The following GPRC5C variants were observed in gnomAD, a reference collection of about 807,000 sequenced individuals.
GPRC5C encodes the protein G protein-coupled receptor class C group 5 member C, also known as G protein-coupled receptor family C group 5 member C.
A neutral mutation model predicts 31.4 loss-of-function variants in GPRC5C; 22 were observed. That is an observed-to-expected ratio of 0.70 (90% CI 0.50 to 1.00). The LOEUF is 1.00. Among genes scored for constraint, GPRC5C ranks in the 50% least tolerant of loss-of-function variants. The probability of loss-of-function intolerance (pLI) is 0.00; values close to 1 mark genes in which losing one functional copy is unlikely to be tolerated. For synonymous variants in GPRC5C, 249 were observed against 257.5 expected, an observed-to-expected ratio of 0.97 and a Z score of 0.32; for missense variants, 557 against 597.2, an observed-to-expected ratio of 0.93 and a Z score of 0.70.
chr17:74,447,659 C>T (rs2055662889), downstream of GPRC5C, among the ~76,000 whole-genome samples: 1 of 152,222 alleles, frequency 6.6e-6, no homozygotes, highest in Admixed American at 6.5e-5. Flanking sequence ...CACCCAGGCT[C>T]AGTGCGTGCC....
At chr17:74,449,506 G>C, downstream of GPRC5C, 1 of 428,074 alleles carries the variant, frequency 2.3e-6, no homozygotes, top group Non-Finnish European at 4.4e-6. Context: ...AGTGGACCGA[G>C]TGGGCCCCCG....
At chr17:74,447,432 C>T, downstream of GPRC5C, 1 of 888,892 alleles carries the variant, frequency 1.1e-6, no homozygotes, top group Non-Finnish European at 1.4e-6. Flanking sequence ...TTTATTAACT[C>T]TTGCTCTGGG....
At chr17:74,433,595 T>G in intron 1 of GPRC5C, 1 of 865,998 alleles carries the variant, frequency 1.2e-6, no homozygotes. Flanking sequence ...GAGAGACCGA[T>G]AGGAGTGGAG....
intron 3 of GPRC5C, chr17:74,446,026 A>C (rs1301083867): frequency 1.6e-5 from 2 of 127,278 alleles, no homozygotes; most frequent in Admixed American, 8.2e-5. Flanking sequence ...AAAAAAAAAG[A>C]CTCCAAATCA....
chr17:74,442,707 T>C (rs961660904), intron 2 of GPRC5C, among the ~76,000 whole-genome samples: 4 of 152,236 alleles, frequency 2.6e-5, no homozygotes, highest in African/African-American at 9.6e-5. Flanking sequence ...GAAATCCTCA[T>C]AATCCCTGCT....
chr17:74,446,532 T>G, intron 3 of GPRC5C: 1 of 267,106 alleles, frequency 3.7e-6, no homozygotes, highest in Non-Finnish European at 7.1e-6. Flanking sequence ...TGTGGCTGAC[T>G]CTCCACTGGC....
chr17:74,444,630 C>T (rs1455913143), intron 3 of GPRC5C, among the ~76,000 whole-genome samples: 1 of 152,132 alleles, frequency 6.6e-6, no homozygotes, highest in Non-Finnish European at 1.5e-5. Flanking sequence ...TCTGTGAGAG[C>T]CGCGGGGCAG....
rs756634395 is a variant in GPRC5C, at chr17:74,440,031, C to A, written c.255C>A (p.Ser85Arg). ...LPFVQDTKKR[S>R]LLGTQVFFLL... Reference sequence around the variant, plus strand: ...TTGTGCAGGACACCAAGAAACGGAGCCTGCTGGGGACCCAGGTATTCTTCC... The same window carrying A: ...TTGTGCAGGACACCAAGAAACGGAGACTGCTGGGGACCCAGGTATTCTTCC... Residue 85 changes from serine to arginine, a missense_variant, in exon 2 of 4, where the codon AGC becomes AGA. Transcript: ENST00000392627. This position sits in a 1 kb window ranked among gnomAD's most constrained non-coding sequence, Gnocchi z 4.4. The A allele has an allele frequency of 6.2e-7, 1 of 1,610,930 alleles. No homozygotes were observed. The highest frequency in any genetic ancestry group is 1.3e-5 in the African/African-American group (1 of 75,058).
Position 74,432,128 on chromosome 17 carries a change from G to T in GPRC5C, c.-46G>T, listed in dbSNP as rs369879154. On this transcript the variant is annotated 5_prime_UTR_variant, in exon 1 of 4. Transcript: ENST00000392627. ...CCTCACCAGCCGGAAAGTACGAGTC[G>T]GCTCAGCCTGGAGGTGAGTCGGGGC... 3 of 1,613,028 alleles carry T rather than the reference G, an allele frequency of 1.9e-6. No homozygotes were observed. Among genetic ancestry groups the T allele is most frequent in the Non-Finnish European group, 2.5e-6 (3 of 1,179,674 alleles).
intron 1 of GPRC5C, among the ~76,000 whole-genome samples, chr17:74,439,481 G>A (rs2055492098): frequency 6.6e-6 from 1 of 152,198 alleles, no homozygotes; most frequent in Non-Finnish European, 1.5e-5. Context: ...TTGGTGGAAG[G>A]GAGGGAACTG....
intron 3 of GPRC5C, chr17:74,446,276 C>G (rs2055633390): frequency 6.6e-6 from 1 of 152,054 alleles, no homozygotes; most frequent in Non-Finnish European, 1.5e-5. Flanking sequence ...CATGATGAAA[C>G]ACCGTCTCTA....
At chr17:74,442,052 G>C (rs2055550625) in intron 2 of GPRC5C, among the ~76,000 whole-genome samples, 1 of 152,102 alleles carries the variant, frequency 6.6e-6, no homozygotes, top group African/African-American at 2.4e-5. Flanking sequence ...ACCCAGGCTG[G>C]AGTACAGTGG....
intron 1 of GPRC5C, among the ~76,000 whole-genome samples, chr17:74,435,168 G>A (rs1029166360): frequency 3.3e-5 from 5 of 152,170 alleles, no homozygotes; most frequent in South Asian, 2.1e-4. Flanking sequence ...GCAGTGAGCC[G>A]AGATCACGCC....
At chr17:74,436,657 G>A (rs2144408991) in intron 1 of GPRC5C, among the ~76,000 whole-genome samples, 1 of 152,308 alleles carries the variant, frequency 6.6e-6, no homozygotes, top group East Asian at 1.9e-4. Context: ...CAGGCGCACA[G>A]TCAATATTTG....
rs1257226971 is a variant in GPRC5C, at chr17:74,440,117, C to T, written c.341C>T (p.Ser114Phe). ...GCCTGTGTGGTGAAGCCCGACTTCT[C>T]CACCTGTGCCTCTCGGCGCTTCCTC... is the stretch of plus-strand genomic sequence containing the variant. The part of the protein sequence containing the change: ...VFACVVKPDF[S>F]TCASRRFLFG... The change falls in exon 2 of 4, where the codon TCC becomes TTC. Residue 114 changes from serine (S) to phenylalanine (F), a missense_variant. Coordinates refer to ENST00000392627, the MANE Select transcript of GPRC5C (RefSeq NM_022036.4). This position sits in a 1 kb window ranked among gnomAD's most constrained non-coding sequence, Gnocchi z 4.4. The T allele has an allele frequency of 4.3e-6, 7 of 1,614,026 alleles. No individual in the cohort carries two copies. Among genetic ancestry groups the T allele is most frequent in the Non-Finnish European group, 5.9e-6 (7 of 1,180,036 alleles).
At chr17:74,433,876 G>A (rs765047324) in intron 1 of GPRC5C, 1 of 832,118 alleles carries the variant, frequency 1.2e-6, no homozygotes, top group Non-Finnish European at 2.1e-6. Flanking sequence ...CTGGAGCGAG[G>A]AAGGGAGTTT....
intron 1 of GPRC5C, among the ~76,000 whole-genome samples, chr17:74,439,057 G>A (rs1395411410): frequency 2.0e-5 from 3 of 152,156 alleles, no homozygotes; most frequent in South Asian, 2.1e-4. Context: ...TTAATGCTCC[G>A]AAGGAAAATT....
intron 1 of GPRC5C, chr17:74,433,824 C>T (rs1393643963): frequency 8.6e-7 from 1 of 1,165,938 alleles, no homozygotes; most frequent in Admixed American, 1.7e-5. Context: ...TATCCTTGGC[C>T]CTGGTGGGTG....
At chr17:74,437,629 A>ATTTT (rs57390968) in intron 1 of GPRC5C, among the ~76,000 whole-genome samples, 8 of 129,876 alleles carry the variant, frequency 6.2e-5, no homozygotes, top group African/African-American at 1.8e-4. Context: ...TATGGACAGA[A>ATTTT]TTTTTTTTTT....
Sources: gnomAD v4.1 joint callset for allele counts (sites outside exome capture counted in the v4.1 genomes callset) on GRCh38, gnomAD v4.1.1 for gene constraint, Gnocchi (gnomAD v3.1) non-coding constraint, MANE v1.5 for transcripts, NCBI Gene and HGNC (gene_info 2026-07-23, HGNC 2026-07-21) for gene names.